The following C2orf42 variants were observed in gnomAD, a reference collection of about 807,000 sequenced individuals.
C2orf42 encodes the protein chromosome 2 open reading frame 42.
In C2orf42, 44 loss-of-function variants were observed where a neutral mutation model predicts 58.9. The ratio of observed to expected loss-of-function variants is 0.75; its 90% CI spans 0.59 to 0.96. C2orf42 has a LOEUF of 0.96. Among genes scored for constraint, C2orf42 ranks in the 40% least tolerant of loss-of-function variants. The pLI is 0.00. For synonymous variants in C2orf42, 239 were observed against 265.4 expected (o/e 0.90, Z 0.97); for missense variants, 630 against 699.2 (o/e 0.90, Z 1.12).
chr2:70,155,733 G>T (rs950368966), intron 9 of C2orf42, among the ~76,000 whole-genome samples: 3 of 151,888 alleles, frequency 2.0e-5, no homozygotes, highest in African/African-American at 7.3e-5. Flanking sequence ...CTGGGAGGCG[G>T]AGGTTGCAGT....
chr2:70,168,489 T>C (rs1325552268), intron 6 of C2orf42, among the ~76,000 whole-genome samples: 1 of 150,350 alleles, frequency 6.7e-6, no homozygotes, highest in African/African-American at 2.4e-5. Context: ...GGGGTTTCAC[T>C]GTGTTAGCCA....
chr2:70,167,516 G>A (rs754493071), intron 6 of C2orf42, among the ~76,000 whole-genome samples: 26 of 152,140 alleles, frequency 1.7e-4, no homozygotes, highest in African/African-American at 3.1e-4. Context: ...CTAGGCAGGC[G>A]GATCACTTGA....
intron 6 of C2orf42, among the ~76,000 whole-genome samples, chr2:70,169,235 G>GT (rs1673624350): frequency 7.1e-6 from 1 of 141,776 alleles, no homozygotes; most frequent in Non-Finnish European, 1.5e-5. Flanking sequence ...TAAAGCTTCA[G>GT]TATCTCCCTC....
intron 9 of C2orf42, among the ~76,000 whole-genome samples, chr2:70,158,420 TTTA>T (rs1202051291): frequency 6.7e-6 from 1 of 148,838 alleles, no homozygotes; most frequent in Non-Finnish European, 1.5e-5. Flanking sequence ...GCATATTCCT[TTTA>T]TTATTTATTT....
In C2orf42 at chr2:70,150,456, C is replaced by T; in HGVS notation, c.1625G>A (p.Gly542Asp). The T allele has an allele frequency of 1.2e-6, 2 of 1,614,070 alleles. No individual in the cohort carries two copies. Among genetic ancestry groups the T allele is most frequent in the Admixed American group, 1.7e-5 (1 of 60,012 alleles). ...CGCCACATGCCCATTCCGGTGGTGGCCATACTCAAACTTGATCCGCAGCTC... is the reference window on the plus strand; with the variant it reads ...CGCCACATGCCCATTCCGGTGGTGGTCATACTCAAACTTGATCCGCAGCTC... The part of the protein sequence containing the change: ...IGELRIKFEY[G>D]HHRNGHVAEY... Residue 542 changes from glycine to aspartate, a missense_variant, in exon 10 of 10, where the codon GGC (glycine) becomes GAC (aspartate). Transcript: ENST00000264434.
chr2:70,188,348 CG>C (rs895712305), intron 1 of C2orf42, among the ~76,000 whole-genome samples: 2 of 151,774 alleles, frequency 1.3e-5, no homozygotes, highest in Non-Finnish European at 2.9e-5. Context: ...CCACCAAGCC[CG>C]GCTAATTTTT....
intron 5 of C2orf42, among the ~76,000 whole-genome samples, chr2:70,173,934 T>A (rs1278651373): frequency 6.6e-6 from 1 of 152,124 alleles, no homozygotes; most frequent in Non-Finnish European, 1.5e-5. Flanking sequence ...CTATACCAAT[T>A]GCACATGAGT....
At chr2:70,179,399 G>T (rs953981128) in intron 4 of C2orf42, 133 bp downstream of exon 4, 57 of 332,352 alleles carry the variant, frequency 1.7e-4, no homozygotes, top group African/African-American at 1.0e-3. Context: ...TAAGACCCCT[G>T]TCTCTTTATT....
chr2:70,185,788 C>T (rs1410505979), intron 1 of C2orf42, among the ~76,000 whole-genome samples: 2 of 148,682 alleles, frequency 1.3e-5, no homozygotes, highest in African/African-American at 5.1e-5. Context: ...TATATATATA[C>T]ACACACACAT....
chr2:70,170,559 G>A (rs1673739675), intron 5 of C2orf42, among the ~76,000 whole-genome samples: 2 of 151,972 alleles, frequency 1.3e-5, no homozygotes, highest in Non-Finnish European at 2.9e-5. Flanking sequence ...TTCAAGACCA[G>A]GCTGGCCAAC....
At chr2:70,154,620 TAAG>T (rs1244087956) in intron 9 of C2orf42, among the ~76,000 whole-genome samples, 19 of 151,992 alleles carry the variant, frequency 1.3e-4, no homozygotes, top group African/African-American at 4.3e-4. Flanking sequence ...GAAGAACAAA[TAAG>T]TGTTTCTTCT....
At chr2:70,190,543 A>T (rs1043280120) in intron 1 of C2orf42, 1 of 152,262 alleles carries the variant, frequency 6.6e-6, no homozygotes, top group Non-Finnish European at 1.5e-5. Context: ...GGTAACTCAC[A>T]AACGTGGGTT....
At chr2:70,183,344 G>A (rs1291234391) in intron 1 of C2orf42, among the ~76,000 whole-genome samples, 1 of 152,036 alleles carries the variant, frequency 6.6e-6, no homozygotes, top group East Asian at 1.9e-4. Context: ...AGGCAGAGGT[G>A]GGAGGATCAC....
At chr2:70,179,738 TC>T (rs1291383611) in intron 3 of C2orf42, 96 bp from the exon 4 acceptor site, 2 of 474,432 alleles carry the variant, frequency 4.2e-6, no homozygotes, top group Non-Finnish European at 3.8e-6. Context: ...TTTTTAAAAA[TC>T]CCCCAAACGA....
chr2:70,154,261 G>T (rs751036220), intron 9 of C2orf42, among the ~76,000 whole-genome samples: 29 of 150,958 alleles, frequency 1.9e-4, no homozygotes, highest in Non-Finnish European at 3.8e-4. Context: ...ACAAAGAATA[G>T]AATTAAAATC....
At chr2:70,174,552 C>A (rs1393347134) in intron 5 of C2orf42, among the ~76,000 whole-genome samples, 1 of 152,078 alleles carries the variant, frequency 6.6e-6, no homozygotes, top group Admixed American at 6.6e-5. Flanking sequence ...TAGTTCCATG[C>A]AATTTTAGGG....
chr2:70,184,414 T>A (rs970503231), intron 1 of C2orf42, among the ~76,000 whole-genome samples: 6 of 151,044 alleles, frequency 4.0e-5, no homozygotes, highest in African/African-American at 1.5e-4. Flanking sequence ...TGACCTCCAG[T>A]GATCTGCCCG....
chr2:70,176,490 C>T (rs1432147377), intron 4 of C2orf42, among the ~76,000 whole-genome samples: 2 of 149,126 alleles, frequency 1.3e-5, no homozygotes, highest in Admixed American at 6.8e-5. Context: ...GGCGACAGAG[C>T]GAGACTGTCT....
chr2:70,175,369 C>T lies in C2orf42; in HGVS notation c.1039+304G>A, dbSNP rs113039011. 1.7e-3 allele frequency among the ~76,000 whole-genome samples: 256 copies of T among 152,306 alleles called. 2 individuals carry two copies. Among genetic ancestry groups the T allele is most frequent in the African/African-American group, 5.9e-3 (247 of 41,582 alleles). ...CCACGTTTCACCCTCCAATAAGCCC[C>T]AGTGTGTGTTGCTCCCCTCTATGTG... On this transcript the variant is annotated intron_variant, in intron 5 of 9. Transcript: ENST00000264434.
Sources: gnomAD v4.1 joint callset for allele counts (sites outside exome capture counted in the v4.1 genomes callset) on GRCh38, gnomAD v4.1.1 for gene constraint, MANE v1.5 for transcripts, NCBI Gene and HGNC (gene_info 2026-07-23, HGNC 2026-07-21) for gene names.